The following SYNPR variants were observed in gnomAD, a reference collection of about 807,000 sequenced individuals.
SYNPR encodes synaptoporin.
SYNPR carries 23 observed loss-of-function variants against 32.9 expected under a neutral mutation model. The ratio of observed to expected loss-of-function variants is 0.70; its 90% CI spans 0.50 to 0.99. The LOEUF is 0.99. Ranked by LOEUF, SYNPR falls within the 50% of genes least tolerant of loss-of-function variation. The pLI, the probability that SYNPR is intolerant of heterozygous loss-of-function variation, is 0.00. For synonymous variants in SYNPR, 146 were observed against 135.9 expected (o/e 1.07, Z -0.52); for missense variants, 318 against 349.3 (o/e 0.91, Z 0.71).
At chr3:63,228,300 A>G (rs2086143543), upstream of SYNPR, 1 of 152,222 alleles carries the variant, frequency 6.6e-6, no homozygotes, top group South Asian at 2.1e-4. Flanking sequence ...TGTAGTATCA[A>G]TTGGATCAGT....
intron 3 of SYNPR, among the ~76,000 whole-genome samples, chr3:63,482,365 G>A (rs1701065873): frequency 6.6e-6 from 1 of 152,074 alleles, no homozygotes; most frequent in African/African-American, 2.4e-5. Context: ...TTTTTTAGTA[G>A]CACAGCTTTT....
intron 2 of SYNPR, among the ~76,000 whole-genome samples, chr3:63,342,380 T>C (rs574476229): frequency 6.6e-6 from 1 of 152,320 alleles, no homozygotes; most frequent in East Asian, 1.9e-4. Flanking sequence ...TATGCTCATA[T>C]GATTTTCTTT....
intron 3 of SYNPR, among the ~76,000 whole-genome samples, chr3:63,497,154 CAA>C (rs1701388480): frequency 6.6e-6 from 1 of 152,112 alleles, no homozygotes; most frequent in Non-Finnish European, 1.5e-5. Flanking sequence ...TTACTAATGA[CAA>C]AGAAGTCTAT....
chr3:63,606,054 CCTCA>C (rs751327922), intron 4 of SYNPR, among the ~76,000 whole-genome samples: 127 of 152,288 alleles, frequency 8.3e-4, no homozygotes, highest in Non-Finnish European at 1.5e-3. Context: ...CTTATTTTAT[CCTCA>C]CTATCATCCT....
At chr3:63,350,544 G>A (rs952749012) in intron 2 of SYNPR, among the ~76,000 whole-genome samples, 3 of 152,198 alleles carry the variant, frequency 2.0e-5, no homozygotes, top group African/African-American at 7.2e-5. Context: ...GCGTGCATAT[G>A]CACACATGCA....
intron 2 of SYNPR, among the ~76,000 whole-genome samples, chr3:63,356,474 C>T (rs1188601677): frequency 6.6e-6 from 1 of 152,216 alleles, no homozygotes; most frequent in Non-Finnish European, 1.5e-5. Flanking sequence ...TATTAAGATT[C>T]TGTTGTCATT....
intron 4 of SYNPR, among the ~76,000 whole-genome samples, chr3:63,575,075 A>G (rs1299661184): frequency 6.6e-6 from 1 of 151,978 alleles, no homozygotes; most frequent in Non-Finnish European, 1.5e-5. Context: ...TATAGCCCAC[A>G]TGTTCCTAAG....
At chr3:63,359,897 G>C (rs999120108) in intron 2 of SYNPR, among the ~76,000 whole-genome samples, 5 of 152,084 alleles carry the variant, frequency 3.3e-5, no homozygotes, top group African/African-American at 1.2e-4. Flanking sequence ...TGAAGTTATG[G>C]GTAGCTTGCA....
intron 2 of SYNPR, among the ~76,000 whole-genome samples, chr3:63,257,200 T>C (rs945334419): frequency 7.9e-5 from 12 of 152,008 alleles, no homozygotes; most frequent in Non-Finnish European, 1.6e-4. Context: ...AAAATTCAAA[T>C]TGAGGAAATA....
intron 3 of SYNPR, among the ~76,000 whole-genome samples, chr3:63,531,017 G>A (rs558294454): frequency 3.3e-5 from 5 of 152,004 alleles, no homozygotes; most frequent in Non-Finnish European, 7.4e-5. Flanking sequence ...GTGCCAGCAG[G>A]GAAACATTCA....
At chr3:63,571,272 G>C (rs1272220448) in intron 4 of SYNPR, among the ~76,000 whole-genome samples, 1 of 152,106 alleles carries the variant, frequency 6.6e-6, no homozygotes, top group Non-Finnish European at 1.5e-5. Flanking sequence ...TTTGTAAGAG[G>C]AAAATGAAAT....
In SYNPR at chr3:63,451,975, T is replaced by G. The variant is rs115241411; in HGVS notation, c.85-28857T>G. 1.6e-3 allele frequency: 1,072 copies of G among 659,058 alleles called. 11 individuals are homozygous for G. In the African/African-American group the frequency reaches 0.017, roughly 11 times the overall value. 40.8% of individuals were successfully genotyped at this position (659,058 alleles called of 1,614,324 possible). ...GAGTGGTATTTATAAACTCCTCAAC[T>G]TCTGAGGCATTTGGAAGACACCCTC... On this transcript the variant is annotated intron_variant, in intron 2 of 5. Coordinates refer to ENST00000478300, the MANE Select transcript of SYNPR (RefSeq NM_001130003.2).
At chr3:63,283,910 C>T (rs530675209) in intron 2 of SYNPR, among the ~76,000 whole-genome samples, 4 of 150,282 alleles carry the variant, frequency 2.7e-5, no homozygotes, top group African/African-American at 4.9e-5. Context: ...CTCTGCCTTC[C>T]GGGTTCTCCT....
chr3:63,615,401 C>G lies in SYNPR; in HGVS notation c.778C>G (p.Gln260Glu). 1 of 1,613,948 alleles carries G rather than the reference C, an allele frequency of 6.2e-7. No individual in the cohort carries two copies. Among genetic ancestry groups the G allele is most frequent in the Non-Finnish European group, 8.5e-7 (1 of 1,179,874 alleles). The change falls in exon 6 of 6, where the codon CAG (glutamine) becomes GAG (glutamate). Residue 260 changes from glutamine to glutamate, a missense_variant. By Grantham distance (29) the Gln-to-Glu change is conservative (BLOSUM62 2). Transcript: ENST00000478300. ...CTATGGATCAAGCAGTGGGTACAGTCAGCAGGCGAGTTTGGGGCCAACCTC... is the reference window on the plus strand; with the variant it reads ...CTATGGATCAAGCAGTGGGTACAGTGAGCAGGCGAGTTTGGGGCCAACCTC... ...DSYGSSSGYS[Q>E]QASLGPTSDE...
chr3:63,457,698 A>G (rs1028026574), intron 2 of SYNPR, among the ~76,000 whole-genome samples: 3 of 152,176 alleles, frequency 2.0e-5, no homozygotes, highest in African/African-American at 7.2e-5. Flanking sequence ...ATTACCTACA[A>G]AAGAGGGAGA....
intron 2 of SYNPR, among the ~76,000 whole-genome samples, chr3:63,461,740 C>T (rs73848254): frequency 0.012 from 1,837 of 151,926 alleles, 36 homozygotes; most frequent in African/African-American, 0.041. Flanking sequence ...CAACTCCTTG[C>T]TTTACCACTT....
At chr3:63,360,462 A>G (rs1444622371) in intron 2 of SYNPR, among the ~76,000 whole-genome samples, 2 of 152,258 alleles carry the variant, frequency 1.3e-5, no homozygotes, top group African/African-American at 4.8e-5. Flanking sequence ...TTTCAAAAAT[A>G]AAATTAAAGC....
intron 2 of SYNPR, among the ~76,000 whole-genome samples, chr3:63,313,798 C>CATATATATATATCCATATATATATCCAT (rs759894780): frequency 1.6e-4 from 1 of 6,396 alleles, no homozygotes; most frequent in African/African-American, 5.6e-4. Flanking sequence ...TATATATATC[C>CATATATATATATCCATATATATATCCAT]ATATATATAT....
intron 3 of SYNPR, among the ~76,000 whole-genome samples, chr3:63,544,063 C>G (rs961010992): frequency 5.9e-5 from 9 of 151,942 alleles, no homozygotes; most frequent in African/African-American, 2.2e-4. Context: ...AAGAGGAAAC[C>G]GTTGGAGAAG....
Sources: allele counts gnomAD v4.1 joint callset (sites outside exome capture counted in the v4.1 genomes callset), GRCh38; gene constraint gnomAD v4.1.1; transcripts MANE v1.5; gene names NCBI Gene and HGNC (gene_info 2026-07-23, HGNC 2026-07-21).